The following PPP1R15A variants were observed in gnomAD, a reference collection of about 807,000 sequenced individuals.
The protein encoded by PPP1R15A is growth arrest and DNA damage-inducible protein GADD34.
Under a neutral mutation model 48.5 loss-of-function variants are expected in PPP1R15A, and 43 were observed. The ratio of observed to expected loss-of-function variants is 0.89; its 90% CI spans 0.69 to 1.14. The LOEUF (loss-of-function observed/expected upper bound fraction) is 1.14, where lower values mean the gene tolerates loss of function less well. Among genes scored for constraint, PPP1R15A ranks in the 50% most tolerant of loss-of-function variants. The pLI is 0.00. For synonymous variants in PPP1R15A, 327 were observed against 327.4 expected (o/e 1.00, Z 0.01); for missense variants, 868 against 847.2 (o/e 1.02, Z -0.30).
Position 48,874,429 on chromosome 19 carries a change from A to T in PPP1R15A, c.1196A>T (p.Glu399Val), listed in dbSNP as rs750562426. 6.2e-7 allele frequency: 1 copy of T among 1,614,058 alleles called. No individual in the cohort carries two copies. Among genetic ancestry groups the T allele is most frequent in the Non-Finnish European group, 8.5e-7 (1 of 1,179,980 alleles). The change falls in exon 2 of 3, where the codon GAG becomes GTG. Residue 399 changes from glutamate to valine, a missense_variant. Transcript: ENST00000200453. ...WVYQPGEDTE[E>V]EEDEDSDTGS... ...TATCAGCCAGGAGAGGACACAGAGG[A>T]GGAGGAAGATGAGGACAGTGATACA...
At position 48,875,869 on chromosome 19, in the gene PPP1R15A, TC is replaced by T. The variant is rs2037077264; in HGVS notation, c.1922del (p.Ser641CysfsTer9). On this transcript the variant is annotated frameshift_variant, in exon 3 of 3. Coordinates refer to ENST00000200453, the MANE Select transcript of PPP1R15A (RefSeq NM_014330.5). LOFTEE classifies it low-confidence loss of function (END_TRUNC). ...TQTLPSSSVP[S>X]SPVQTTPLSQ... The stretch of plus-strand genomic sequence containing the variant: ...GACCTTGCCTTCCTCCTCTGTCCCT[TC>T]GTCCCCAGTCCAGACCACGCCCTTG... 1 of 1,614,038 alleles carries T rather than the reference TC, an allele frequency of 6.2e-7. No individual in the cohort carries two copies. Among genetic ancestry groups the T allele is most frequent in the Admixed American group, 1.7e-5 (1 of 59,980 alleles).
chr19:48,875,037 G>GT (rs1337365491), intron 2 of PPP1R15A, 139 bp downstream of exon 2: 2 of 1,086,098 alleles, frequency 1.8e-6, no homozygotes, highest in South Asian at 4.4e-5. Context: ...GGCGATTCTC[G>GT]TGCCTCAGCC....
rs1426888047 is a variant in PPP1R15A at position 48,873,243 on chromosome 19, G to T, written c.10G>T (p.Gly4Cys). 1 of 1,524,798 alleles carries T rather than the reference G, an allele frequency of 6.6e-7. No homozygotes were observed. Among genetic ancestry groups the T allele is most frequent in the Admixed American group, 2.2e-5 (1 of 44,480 alleles). 94.5% of individuals were successfully genotyped at this position (1,524,798 alleles called of 1,614,324 possible). The change falls in exon 2 of 3, where the codon GGC becomes TGC. Residue 4 changes from glycine (G) to cysteine (C), a missense_variant. Coordinates refer to ENST00000200453, the MANE Select transcript of PPP1R15A (RefSeq NM_014330.5). MAP[G>C]QAPHQATPWR... is the part of the protein sequence containing the mutation. ...TTTCCAGCCCAGACACATGGCCCCA[G>T]GCCAAGCACCCCATCAGGCTACCCC...
Position 48,874,594 on chromosome 19 carries a change from A to T in PPP1R15A, c.1361A>T (p.Glu454Val), listed in dbSNP as rs1254195224. 1 of 1,614,166 alleles carries T rather than the reference A, an allele frequency of 6.2e-7. No individual in the cohort carries two copies. The highest frequency in any genetic ancestry group is 1.3e-5 in the African/African-American group (1 of 75,036). Residue 454 changes from glutamate (E) to valine (V), a missense_variant, in exon 2 of 3, where the codon GAA becomes GTA. Physicochemically the swap from Glu to Val is moderately radical, Grantham distance 121. Coordinates refer to ENST00000200453, the MANE Select transcript of PPP1R15A (RefSeq NM_014330.5). ...EDEDVDSEDKEDDSEAALGEA... is the reference protein window; with the variant it reads ...EDEDVDSEDKVDDSEAALGEA... ...GAGGATGTGGATAGTGAGGATAAGGAAGATGATTCAGAAGCAGCCTTGGGA... is the reference window on the plus strand; with the variant it reads ...GAGGATGTGGATAGTGAGGATAAGGTAGATGATTCAGAAGCAGCCTTGGGA...
chr19:48,872,641 G>A lies in PPP1R15A; in HGVS notation c.-20G>A, dbSNP rs370247809. On this transcript the variant is annotated 5_prime_UTR_variant, in exon 1 of 3. Transcript: ENST00000200453. ...GCTCCTGCCCCCGGGGTGACGCGCA[G>A]CTCCCAGCCGGTGAGTAAGGGGTCG... is the stretch of plus-strand genomic sequence containing the variant. 5 of 370,236 alleles carry A rather than the reference G, an allele frequency of 1.4e-5. No homozygotes were observed. Among genetic ancestry groups the A allele is most frequent in the East Asian group, 7.8e-5 (1 of 12,774 alleles). 22.9% of individuals were successfully genotyped at this position (370,236 alleles called of 1,614,324 possible).
In PPP1R15A at chr19:48,874,344, G is replaced by A. The variant is rs2037051473; in HGVS notation, c.1111G>A (p.Gly371Arg). Reference sequence around the variant, plus strand: ...TGACTCTGGATCAGATGAGGAAGAGGGAGAAGCTGAGGCTTCCTCTTCCAC... The same window carrying A: ...TGACTCTGGATCAGATGAGGAAGAGAGAGAAGCTGAGGCTTCCTCTTCCAC... The part of the protein sequence containing the change: ...DSDSGSDEEE[G>R]EAEASSSTPA... The change falls in exon 2 of 3, where the codon GGA becomes AGA. Residue 371 changes from glycine (G) to arginine (R), a missense_variant. Gly to Arg is a moderately radical substitution (Grantham distance 125, BLOSUM62 -2). Coordinates refer to ENST00000200453, the MANE Select transcript of PPP1R15A (RefSeq NM_014330.5). 2 of 1,613,578 alleles carry A rather than the reference G, an allele frequency of 1.2e-6. No homozygotes were observed. The highest frequency in any genetic ancestry group is 1.6e-4 in the Middle Eastern group (1 of 6,062).
Position 48,875,972 on chromosome 19 carries a change from G to A in PPP1R15A, c.2024G>A (p.Ter675=). ...AALDLSGRRG[*] ...CTGGACCTCAGTGGGAGGCGTGGCT[G>A]AGACCAACTGGTTTGCCTATAATTT... Residue 675 remains the stop codon, a stop_retained_variant, in exon 3 of 3, where the codon TGA becomes TAA. Transcript: ENST00000200453. 3 of 1,567,472 alleles carry A rather than the reference G, an allele frequency of 1.9e-6. No homozygotes were observed. Among genetic ancestry groups the A allele is most frequent in the Non-Finnish European group, 2.6e-6 (3 of 1,154,696 alleles).
chr19:48,873,874 G>C lies in PPP1R15A; in HGVS notation c.641G>C (p.Gly214Ala), dbSNP rs1356050306. ...HRTSTSALSP[G>A]SKPSTWVSCP... ...ACCTCTACTTCTGCCTTGTCTCCAG[G>C]ATCCAAGCCCAGCACTTGGGTGTCT... The change falls in exon 2 of 3, where the codon GGA (glycine) becomes GCA (alanine). Residue 214 changes from glycine to alanine, a missense_variant. Gly to Ala is a moderately conservative substitution (Grantham distance 60). Transcript: ENST00000200453. 6.2e-7 allele frequency: 1 copy of C among 1,613,992 alleles called. No individual in the cohort carries two copies. The highest frequency in any genetic ancestry group is 1.3e-5 in the African/African-American group (1 of 74,880).
At position 48,874,880 on chromosome 19, in the gene PPP1R15A, T is replaced by TC; in HGVS notation, c.1651dup (p.Leu551ProfsTer135). 1 of 1,574,952 alleles carries TC rather than the reference T, an allele frequency of 6.3e-7. No homozygotes were observed. The highest frequency in any genetic ancestry group is 8.6e-7 in the Non-Finnish European group (1 of 1,166,210). On this transcript the variant is annotated frameshift_variant, in exon 2 of 3. Transcript: ENST00000200453. LOFTEE classifies it low-confidence loss of function (END_TRUNC). ...CTACTCATGATCCGGACCCTGAGAC[T>TC]CCCCTAAAGGCCAGAAAGGTAGGTG... is the stretch of plus-strand genomic sequence containing the variant.
rs1336238525 is a variant in PPP1R15A at position 48,874,431 on chromosome 19, G to A, written c.1198G>A (p.Glu400Lys). ...VYQPGEDTEE[E>K]EDEDSDTGSA... ...TCAGCCAGGAGAGGACACAGAGGAG[G>A]AGGAAGATGAGGACAGTGATACAGG... The change falls in exon 2 of 3, where the codon GAG becomes AAG. Residue 400 changes from glutamate (E) to lysine (K), a missense_variant. Transcript: ENST00000200453. 1.2e-6 allele frequency: 2 copies of A among 1,614,164 alleles called. No homozygotes were observed. Among genetic ancestry groups the A allele is most frequent in the Admixed American group, 1.7e-5 (1 of 60,016 alleles).
Position 48,872,456 on chromosome 19 carries a change from T to G in PPP1R15A, c.-205T>G, listed in dbSNP as rs1449958830. 4.4e-6 allele frequency: 2 copies of G among 456,374 alleles called. No homozygotes were observed. Among genetic ancestry groups the G allele is most frequent in the South Asian group, 1.5e-5 (1 of 64,564 alleles). The allele number at this position is 456,374 out of a possible 1,614,324, so 28.3% of individuals were successfully genotyped here. A position where few individuals can be genotyped will look rare whatever the true frequency, so the allele number is the denominator to read the frequency against. ...GTTCCCATCCCAGTTGTTGATCTTATGCAAGACGCTGCACGACCCCGCGCC... is the reference window on the plus strand; with the variant it reads ...GTTCCCATCCCAGTTGTTGATCTTAGGCAAGACGCTGCACGACCCCGCGCC... On this transcript the variant is annotated 5_prime_UTR_variant, in exon 1 of 3. The change abolishes an upstream ATG in the 5' untranslated region. Coordinates refer to ENST00000200453, the MANE Select transcript of PPP1R15A (RefSeq NM_014330.5).
Position 48,873,559 on chromosome 19 carries a change from G to C in PPP1R15A, c.326G>C (p.Gly109Ala), listed in dbSNP as rs1300663853. 8 of 1,614,084 alleles carry C rather than the reference G, an allele frequency of 5.0e-6. No homozygotes were observed. Among genetic ancestry groups the C allele is most frequent in the Non-Finnish European group, 6.8e-6 (8 of 1,180,038 alleles). Residue 109 changes from glycine to alanine, a missense_variant, in exon 2 of 3, where the codon GGA (glycine) becomes GCA (alanine). Coordinates refer to ENST00000200453, the MANE Select transcript of PPP1R15A (RefSeq NM_014330.5). ...AGCAGTTCCCTTCCTGAAGCCTGGGGACTTTTGGATGATGATGATGGCATG... is the reference window on the plus strand; with the variant it reads ...AGCAGTTCCCTTCCTGAAGCCTGGGCACTTTTGGATGATGATGATGGCATG... ...KTSSSLPEAWGLLDDDDGMYG... is the reference protein window; with the variant it reads ...KTSSSLPEAWALLDDDDGMYG...
Position 48,873,984 on chromosome 19 carries a change from CG to C in PPP1R15A, c.752del (p.Arg251HisfsTer89), listed in dbSNP as rs989468095. 1.5e-5 allele frequency: 25 copies of C among 1,614,002 alleles called. No individual in the cohort carries two copies. Among genetic ancestry groups the C allele is most frequent in the Admixed American group, 3.3e-5 (2 of 59,990 alleles). ...KGARKTSVSP[R>X]SSGSDPRSWE... ...AGCCAGGAAGACCTCCGTGTCCCCC[CG>C]ATCTTCAGGCTCCGACCCCAGGTCC... is the stretch of plus-strand genomic sequence containing the variant. On this transcript the variant is annotated frameshift_variant, in exon 2 of 3. Coordinates refer to ENST00000200453, the MANE Select transcript of PPP1R15A (RefSeq NM_014330.5). LOFTEE classifies it high-confidence loss of function.
Position 48,872,630 on chromosome 19 carries a change from G to A in PPP1R15A, c.-31G>A, listed in dbSNP as rs1399515712. ...ACCGAACCGGCGCTCCTGCCCCCGG[G>A]GTGACGCGCAGCTCCCAGCCGGTGA... On this transcript the variant is annotated 5_prime_UTR_variant, in exon 1 of 3. Transcript: ENST00000200453. 1 of 380,578 alleles carries A rather than the reference G, an allele frequency of 2.6e-6. No homozygotes were observed. Among genetic ancestry groups the A allele is most frequent in the Non-Finnish European group, 5.5e-6 (1 of 183,396 alleles). 23.6% of individuals were successfully genotyped at this position (380,578 alleles called of 1,614,324 possible).
Position 48,875,920 on chromosome 19 carries a change from C to CGCTCGT in PPP1R15A, c.1973_1978dup (p.Ser659_Ser660insCysSer). 6.2e-7 allele frequency: 1 copy of CGCTCGT among 1,611,880 alleles called. No individual in the cohort carries two copies. Among genetic ancestry groups the CGCTCGT allele is most frequent in the Non-Finnish European group, 8.5e-7 (1 of 1,178,292 alleles). On this transcript the variant is annotated inframe_insertion, in exon 3 of 3. Coordinates refer to ENST00000200453, the MANE Select transcript of PPP1R15A (RefSeq NM_014330.5). ...GAGCCAAGCTGTGGCCACACCTTCC[C>CGCTCGT]GCTCGTCTGCTGCTGCAGCGGCTGC...
chr19:48,872,965 G>A (rs1278233686), intron 1 of PPP1R15A, among the ~76,000 whole-genome samples: 1 of 152,134 alleles, frequency 6.6e-6, no homozygotes, highest in African/African-American at 2.4e-5. Context: ...GGAGTTCTGC[G>A]TCTGAAGAAA....
chr19:48,874,063 A>C lies in PPP1R15A; in HGVS notation c.830A>C (p.Lys277Thr). ...GAGGAGAAGGAGGAAAAGGCACACA[A>C]AGAAACTGGGAAAGGAGAAGCTGCC... ...ASEEKEEKAH[K>T]ETGKGEAAPG... Residue 277 changes from lysine to threonine, a missense_variant, in exon 2 of 3, where the codon AAA (lysine) becomes ACA (threonine). Physicochemically the swap from Lys to Thr is moderately conservative, Grantham distance 78 (BLOSUM62 -1). Transcript: ENST00000200453. 2 of 1,614,194 alleles carry C rather than the reference A, an allele frequency of 1.2e-6. No individual in the cohort carries two copies. Among genetic ancestry groups the C allele is most frequent in the South Asian group, 2.2e-5 (2 of 91,086 alleles).
At position 48,874,687 on chromosome 19, in the gene PPP1R15A, G is replaced by C; in HGVS notation, c.1454G>C (p.Arg485Pro). 1.2e-6 allele frequency: 2 copies of C among 1,613,764 alleles called. No homozygotes were observed. The highest frequency in any genetic ancestry group is 8.5e-7 in the Non-Finnish European group (1 of 1,179,776). ...QRAHFRGWGYRPGKETEEEEA... is the reference protein window; with the variant it reads ...QRAHFRGWGYPPGKETEEEEA... ...GCCCACTTCAGGGGCTGGGGATATC[G>C]ACCTGGAAAAGAGACAGAGGAAGAG... is the stretch of plus-strand genomic sequence containing the variant. The change falls in exon 2 of 3, where the codon CGA (arginine) becomes CCA (proline). Residue 485 changes from arginine (R) to proline (P), a missense_variant. By Grantham distance (103) the Arg-to-Pro change is moderately radical (BLOSUM62 -2). Coordinates refer to ENST00000200453, the MANE Select transcript of PPP1R15A (RefSeq NM_014330.5).
Position 48,873,611 on chromosome 19 carries a change from C to T in PPP1R15A, c.378C>T (p.Val126=), listed in dbSNP as rs781681826. The change falls in exon 2 of 3, where the codon GTC becomes GTT. Residue 126 remains valine, a synonymous_variant. Coordinates refer to ENST00000200453, the MANE Select transcript of PPP1R15A (RefSeq NM_014330.5). ...GMYGEREATS[V]PRGQGSQFAD... Reference sequence around the variant, plus strand: ...ATGGTGAGCGAGAGGCAACCAGTGTCCCTAGAGGGCAGGGAAGTCAATTTG... The same window carrying T: ...ATGGTGAGCGAGAGGCAACCAGTGTTCCTAGAGGGCAGGGAAGTCAATTTG... 1.9e-6 allele frequency: 3 copies of T among 1,614,122 alleles called. No individual in the cohort carries two copies. The East Asian group carries it at 6.7e-5, about 36-fold the overall frequency.
Sources: allele counts gnomAD v4.1 joint callset (sites outside exome capture counted in the v4.1 genomes callset), GRCh38; gene constraint gnomAD v4.1.1; transcripts MANE v1.5; gene names NCBI Gene and HGNC (gene_info 2026-07-23, HGNC 2026-07-21).